The following RUBCN variants were observed in gnomAD, a reference collection of about 807,000 sequenced individuals.
RUBCN encodes the protein rubicon autophagy regulator, also known as run domain Beclin-1-interacting and cysteine-rich domain-containing protein.
A neutral mutation model predicts 113.2 loss-of-function variants in RUBCN; 74 were observed. The observed-to-expected ratio is 0.65, with a 90% CI of 0.54 to 0.79. RUBCN has a LOEUF of 0.79. RUBCN is among the 30% of genes least tolerant of loss of function. The pLI, the probability that RUBCN is intolerant of heterozygous loss-of-function variation, is 0.00. For synonymous variants in RUBCN, 480 were observed against 490.0 expected (o/e 0.98, Z 0.27); for missense variants, 1,109 against 1,251.7 (o/e 0.89, Z 1.72).
intron 2 of RUBCN, among the ~76,000 whole-genome samples, chr3:197,709,753 G>C (rs992430072): frequency 2.6e-5 from 4 of 152,166 alleles, no homozygotes; most frequent in African/African-American, 9.7e-5. Context: ...TAGAAATTGA[G>C]AAGTTGATAC....
chr3:197,682,708 A>G, intron 13 of RUBCN, 93 bp from the exon 14 acceptor site: 1 of 1,550,184 alleles, frequency 6.5e-7, no homozygotes, highest in Non-Finnish European at 8.9e-7. Flanking sequence ...GGGCAGGAGA[A>G]AAACACAGTT....
chr3:197,705,625 AT>A (rs1560441866), intron 2 of RUBCN, among the ~76,000 whole-genome samples: 2 of 152,126 alleles, frequency 1.3e-5, no homozygotes, highest in East Asian at 3.9e-4. Context: ...TACACTTGAC[AT>A]ATGTTTACCC....
intron 2 of RUBCN, among the ~76,000 whole-genome samples, chr3:197,708,292 C>A (rs1265577655): frequency 6.6e-6 from 1 of 151,872 alleles, no homozygotes; most frequent in Non-Finnish European, 1.5e-5. Context: ...TCTGCCACCA[C>A]GCCTGGCTAA....
At chr3:197,693,859 A>C (rs780394745) in intron 10 of RUBCN, 43 bp from the exon 11 acceptor site, 35 of 1,342,680 alleles carry the variant, frequency 2.6e-5, no homozygotes, top group Admixed American at 5.0e-5. Flanking sequence ...GGGCAGAAAG[A>C]GGTCTTCTTG....
chr3:197,731,984 T>A (rs547498700), intron 1 of RUBCN, among the ~76,000 whole-genome samples: 1 of 152,330 alleles, frequency 6.6e-6, no homozygotes, highest in South Asian at 2.1e-4. Context: ...ATATGGGAAA[T>A]AGAGAAGAGC....
chr3:197,733,729 C>T (rs911226840), intron 1 of RUBCN, among the ~76,000 whole-genome samples: 30 of 152,140 alleles, frequency 2.0e-4, no homozygotes, highest in African/African-American at 7.2e-4. Flanking sequence ...ATGCCTATAA[C>T]AATGACGGGA....
rs1295006625 is a variant in RUBCN, at chr3:197,705,078, G to A, written c.303+14C>T. The A allele has an allele frequency of 3.1e-6, 5 of 1,606,548 alleles. No homozygotes were observed. The highest frequency in any genetic ancestry group is 4.5e-5 in the East Asian group (2 of 44,860). ...ACAGCTCTGCCAGCACAGCCGCTCT[G>A]CTCTCACTCTTACCTTCTCCACGTG... On this transcript the variant is annotated intron_variant, in intron 3 of 19. Coordinates refer to ENST00000296343, the MANE Select transcript of RUBCN (RefSeq NM_014687.4).
intron 6 of RUBCN, among the ~76,000 whole-genome samples, chr3:197,701,461 T>C (rs1338152516): frequency 6.6e-6 from 1 of 152,214 alleles, no homozygotes; most frequent in African/African-American, 2.4e-5. Context: ...TTAGCTAGTA[T>C]TGAAATGCCT....
At position 197,707,079 on chromosome 3, in the gene RUBCN, C is replaced by CT. The variant is rs1185640918; in HGVS notation, c.220-1905_220-1904insA. Reference sequence around the variant, plus strand: ...AAAATTGTGGCCGGGCGCGGTGGCTCACGCCTGTAATCCCAGCACTTTGGG... The same window carrying CT: ...AAAATTGTGGCCGGGCGCGGTGGCTCTACGCCTGTAATCCCAGCACTTTGGG... On this transcript the variant is annotated intron_variant, in intron 2 of 19. Coordinates refer to ENST00000296343, the MANE Select transcript of RUBCN (RefSeq NM_014687.4). Among the ~76,000 whole-genome samples, 34 of 145,566 alleles carry CT rather than the reference C, an allele frequency of 2.3e-4. 2 individuals are homozygous for CT. Among genetic ancestry groups the CT allele is most frequent in the African/African-American group, 9.6e-4 (34 of 35,268 alleles).
At chr3:197,722,192 T>C (rs770026783) in intron 1 of RUBCN, among the ~76,000 whole-genome samples, 2 of 151,580 alleles carry the variant, frequency 1.3e-5, no homozygotes, top group Non-Finnish European at 2.9e-5. Context: ...GAGCTGGGAT[T>C]GCACCACTGC....
At chr3:197,717,650 G>A (rs1358416971) in intron 2 of RUBCN, among the ~76,000 whole-genome samples, 1 of 152,184 alleles carries the variant, frequency 6.6e-6, no homozygotes, top group Non-Finnish European at 1.5e-5. Context: ...TTTGGACTTC[G>A]ATCTCAAGAA....
intron 18 of RUBCN, among the ~76,000 whole-genome samples, chr3:197,676,021 T>G (rs553260213): frequency 6.6e-6 from 1 of 152,300 alleles, no homozygotes; most frequent in South Asian, 2.1e-4. Context: ...GGGCATAGGC[T>G]AAGACAGGAA....
intron 1 of RUBCN, among the ~76,000 whole-genome samples, chr3:197,725,304 T>C (rs1287828210): frequency 3.9e-5 from 6 of 152,012 alleles, no homozygotes; most frequent in Non-Finnish European, 8.8e-5. Flanking sequence ...TTTCTTCTTA[T>C]CTGGCCATAT....
chr3:197,712,363 T>G (rs1725049649), intron 2 of RUBCN, among the ~76,000 whole-genome samples: 1 of 152,194 alleles, frequency 6.6e-6, no homozygotes. Context: ...ACAATTCACA[T>G]TCCATAACGC....
At chr3:197,680,914 A>G (rs1721144930) in intron 16 of RUBCN, among the ~76,000 whole-genome samples, 1 of 151,264 alleles carries the variant, frequency 6.6e-6, no homozygotes, top group Non-Finnish European at 1.5e-5. Context: ...GAACGGAGAG[A>G]CGGTTATAGC....
exon 1 of RUBCN, chr3:197,749,401 C>T: frequency 1.7e-6 from 2 of 1,194,114 alleles, no homozygotes; most frequent in Non-Finnish European, 2.1e-6. Flanking sequence ...ACGCAGGAAC[C>T]GTCACTGCAG....
In RUBCN at chr3:197,669,540, T is replaced by C. The variant is rs969805772; in HGVS notation, c.*5478A>G. ...GGGAAGATGTACCCCTTTCATTGTA[T>C]TAGTAGGTACATGACATCCAATGAC... On this transcript the variant is annotated 3_prime_UTR_variant, in exon 20 of 20. Coordinates refer to ENST00000296343, the MANE Select transcript of RUBCN (RefSeq NM_014687.4). Among the ~76,000 whole-genome samples the C allele has an allele frequency of 1.3e-5, 2 of 152,256 alleles. No homozygotes were observed. Among genetic ancestry groups the C allele is most frequent in the Non-Finnish European group, 2.9e-5 (2 of 68,046 alleles).
In RUBCN at chr3:197,709,610, C is replaced by G. The variant is rs1460863120; in HGVS notation, c.220-4435G>C. Among the ~76,000 whole-genome samples, 10 of 152,078 alleles carry G rather than the reference C, an allele frequency of 6.6e-5. 1 individual carries two copies. The highest frequency in any genetic ancestry group is 6.6e-4 in the Admixed American group (10 of 15,252). Reference sequence around the variant, plus strand: ...GGTCAGGCTGGTCTCAAACTCCCCACCTCAGGTGATCCGCCTGCCTCGGCC... The same window carrying G: ...GGTCAGGCTGGTCTCAAACTCCCCAGCTCAGGTGATCCGCCTGCCTCGGCC... On this transcript the variant is annotated intron_variant, in intron 2 of 19. Transcript: ENST00000296343.
chr3:197,724,896 T>C (rs1339903578), intron 1 of RUBCN, among the ~76,000 whole-genome samples: 1 of 152,110 alleles, frequency 6.6e-6, no homozygotes, highest in Non-Finnish European at 1.5e-5. Context: ...AGAGGATCAG[T>C]AGACTGGGTG....
Sources: gnomAD v4.1 joint callset for allele counts (sites outside exome capture counted in the v4.1 genomes callset) on GRCh38, gnomAD v4.1.1 for gene constraint, MANE v1.5 for transcripts, NCBI Gene and HGNC (gene_info 2026-07-23, HGNC 2026-07-21) for gene names.